The following ADARB2 variants were observed in gnomAD, a reference collection of about 807,000 sequenced individuals.
ADARB2 encodes the protein adenosine deaminase RNA specific B2 (inactive), also known as inactive double-stranded RNA-specific editase B2.
A neutral mutation model predicts 62.2 loss-of-function variants in ADARB2; 25 were observed. The ratio of observed to expected loss-of-function variants is 0.40; its 90% confidence interval spans 0.29 to 0.56. ADARB2 has a LOEUF of 0.56. Among genes scored for constraint, ADARB2 ranks in the 20% least tolerant of loss-of-function variants. The pLI, the probability that ADARB2 is intolerant of heterozygous loss-of-function variation, is 0.43. For missense variants in ADARB2, 1,071 were observed against 1,077.4 expected (o/e 0.99, Z 0.08); for synonymous variants, 572 against 500.8 (o/e 1.14, Z -1.90).
chr10:1,304,034 T>C (rs1271606891), intron 3 of ADARB2, among the ~76,000 whole-genome samples: 1 of 151,892 alleles, frequency 6.6e-6, no homozygotes, highest in Non-Finnish European at 1.5e-5. Flanking sequence ...CTATTAACTT[T>C]AAATGTAAAT....
Position 1,398,855 on chromosome 10 carries a change from G to T in ADARB2, c.101-19695C>A, listed in dbSNP as rs1434056861. 1.3e-5 allele frequency among the ~76,000 whole-genome samples: 2 copies of T among 152,138 alleles called. No individual in the cohort carries two copies. The highest frequency in any genetic ancestry group is 4.8e-5 in the African/African-American group (2 of 41,448). On this transcript the variant is annotated intron_variant, in intron 1 of 9. Coordinates refer to ENST00000381312, the MANE Select transcript of ADARB2 (RefSeq NM_018702.4). The surrounding 1 kb of genome is among the most constrained non-coding windows in gnomAD (Gnocchi z 4.1). ...GCAGCAGCAGCGCAGCCTGCACGAG[G>T]TTGCTGGGGGAAACAGACCGCTCTG...
intron 4 of ADARB2, among the ~76,000 whole-genome samples, chr10:1,262,416 C>T (rs1831150356): frequency 6.6e-6 from 1 of 151,830 alleles, no homozygotes; most frequent in South Asian, 2.1e-4. Context: ...CCAGAATCTA[C>T]AATGAACTCA....
chr10:1,727,827 T>C (rs939282649), intron 1 of ADARB2, among the ~76,000 whole-genome samples: 1 of 152,222 alleles, frequency 6.6e-6, no homozygotes, highest in Non-Finnish European at 1.5e-5. Context: ...CATGTCATTG[T>C]GATGCCTCAC....
intron 3 of ADARB2, among the ~76,000 whole-genome samples, chr10:1,358,742 G>A (rs1041940257): frequency 5.3e-5 from 8 of 152,076 alleles, no homozygotes; most frequent in Admixed American, 1.3e-4. Context: ...GGGAGAGTGC[G>A]GGGTGAGGGT....
chr10:1,587,198 T>G (rs532047113), intron 1 of ADARB2, among the ~76,000 whole-genome samples: 1 of 152,330 alleles, frequency 6.6e-6, no homozygotes, highest in East Asian at 1.9e-4. Context: ...TAAAGAATTA[T>G]TTTGACCTCA....
intron 1 of ADARB2, among the ~76,000 whole-genome samples, chr10:1,624,232 T>G (rs1833740375): frequency 6.6e-6 from 1 of 151,274 alleles, no homozygotes; most frequent in Admixed American, 6.6e-5. Context: ...AAATCCTGTC[T>G]CGGAAAAAAC....
chr10:1,240,853 C>T (rs1419313028), intron 5 of ADARB2, among the ~76,000 whole-genome samples: 1 of 152,206 alleles, frequency 6.6e-6, no homozygotes, highest in African/African-American at 2.4e-5. Context: ...TAGGAGAAAT[C>T]CTTCCCTACA....
At chr10:1,299,657 C>T (rs12220554) in intron 3 of ADARB2, among the ~76,000 whole-genome samples, 66,706 of 151,932 alleles carry the variant, frequency 0.44, 16,249 homozygotes, top group East Asian at 0.69. Flanking sequence ...CGGCTTGGTG[C>T]AGCAGCTTTC....
At chr10:1,510,160 C>CTT (rs141258916) in intron 1 of ADARB2, among the ~76,000 whole-genome samples, 1 of 112,440 alleles carries the variant, frequency 8.9e-6, no homozygotes, top group Non-Finnish European at 1.9e-5. Flanking sequence ...TTCTTTCTTT[C>CTT]TTTCTTTCTT....
intron 1 of ADARB2, chr10:1,526,777 A>G (rs748700784): frequency 2.0e-6 from 1 of 495,786 alleles, no homozygotes; most frequent in East Asian, 6.0e-5. Flanking sequence ...GATGACATGA[A>G]GCAGCTGTTC....
intron 1 of ADARB2, among the ~76,000 whole-genome samples, chr10:1,613,891 C>T (rs1833600136): frequency 6.6e-6 from 1 of 152,150 alleles, no homozygotes. Flanking sequence ...TTTCTCCAGG[C>T]TTTCCAATTT....
chr10:1,535,929 T>C (rs1413292266), intron 1 of ADARB2, among the ~76,000 whole-genome samples: 1 of 152,162 alleles, frequency 6.6e-6, no homozygotes, highest in Non-Finnish European at 1.5e-5. Flanking sequence ...CGTCCCAGTC[T>C]TTTCCTTTCA....
chr10:1,594,429 G>C (rs567234375), intron 1 of ADARB2, among the ~76,000 whole-genome samples: 1 of 152,284 alleles, frequency 6.6e-6, no homozygotes, highest in African/African-American at 2.4e-5. Flanking sequence ...CAGGTCTTCT[G>C]TGGTGGGGCC....
chr10:1,209,562 CCCACAT>C (rs1837119991), intron 7 of ADARB2, among the ~76,000 whole-genome samples: 1 of 149,496 alleles, frequency 6.7e-6, no homozygotes, highest in African/African-American at 2.5e-5. Context: ...ATCACCCACA[CCCACAT>C]CATCACCCAC....
intron 4 of ADARB2, among the ~76,000 whole-genome samples, chr10:1,257,775 C>G (rs1054178148): frequency 1.3e-5 from 2 of 152,144 alleles, no homozygotes; most frequent in Admixed American, 6.5e-5. Flanking sequence ...GGAACAGCAC[C>G]AAAGGTTCCT....
At chr10:1,300,351 T>G (rs1589184501) in intron 3 of ADARB2, among the ~76,000 whole-genome samples, 1 of 131,600 alleles carries the variant, frequency 7.6e-6, no homozygotes, top group South Asian at 3.3e-4. Context: ...TGACGGCTGC[T>G]CCCAGCCTCT....
rs537130159 is a variant in ADARB2 at position 1,521,307 on chromosome 10, G to A, written c.101-142147C>T. ...AAAAGCAAGTCTTTGAAGCCCAATG[G>A]ACTCAGGTGTGGATTCGGACTCAGC... On this transcript the variant is annotated intron_variant, in intron 1 of 9. Transcript: ENST00000381312. Among the ~76,000 whole-genome samples, 7 of 152,252 alleles carry A rather than the reference G, an allele frequency of 4.6e-5. No individual in the cohort carries two copies. The East Asian group carries it at 1.2e-3, about 25-fold the overall frequency.
chr10:1,478,441 A>G (rs889357159), intron 1 of ADARB2, among the ~76,000 whole-genome samples: 3 of 152,106 alleles, frequency 2.0e-5, no homozygotes, highest in Admixed American at 6.6e-5. Flanking sequence ...CCTGGGTCCA[A>G]CTCTTAAATT....
chr10:1,562,946 C>T (rs575355344), intron 1 of ADARB2, among the ~76,000 whole-genome samples: 86 of 152,358 alleles, frequency 5.6e-4, no homozygotes, highest in Middle Eastern at 6.8e-3. Flanking sequence ...CAAATGTTTC[C>T]TTAATCTCTC....
Sources: gnomAD v4.1 joint callset for allele counts (sites outside exome capture counted in the v4.1 genomes callset) on GRCh38, gnomAD v4.1.1 for gene constraint, Gnocchi (gnomAD v3.1) non-coding constraint, MANE v1.5 for transcripts, NCBI Gene and HGNC (gene_info 2026-07-23, HGNC 2026-07-21) for gene names.